PSMD11: variants seen among roughly 807,000 people sequenced by gnomAD.
PSMD11 encodes the protein 26S proteasome non-ATPase regulatory subunit 11.
Under a neutral mutation model 62.3 loss-of-function variants are expected in PSMD11, and 5 were observed. The ratio of observed to expected loss-of-function variants is 0.08; its 90% confidence interval spans 0.04 to 0.17. PSMD11 has a LOEUF of 0.17. PSMD11 is among the 10% of genes least tolerant of loss of function. The probability of loss-of-function intolerance (pLI) is 1.00; values close to 1 mark genes in which losing one functional copy is unlikely to be tolerated. For missense variants in PSMD11, 310 were observed against 512.9 expected, an observed-to-expected ratio of 0.60 and a Z score of 3.82; for synonymous variants, 191 against 191.8, an observed-to-expected ratio of 1.00 and a Z score of 0.03.
rs1251596211 is a variant in PSMD11, at chr17:32,444,558, C to T, written c.35C>T (p.Ala12Val). Residue 12 changes from alanine (A) to valine (V), a missense_variant, in exon 1 of 14, where the codon GCC becomes GTC. Coordinates refer to ENST00000261712, the MANE Select transcript of PSMD11 (RefSeq NM_002815.4). ...AAAAVVEFQRAQSLLSTDREA... is the reference protein window; with the variant it reads ...AAAAVVEFQRVQSLLSTDREA... ...GCGGCGGTGGTGGAGTTCCAGAGAG[C>T]CCAGTCTCTACTCAGCACCGACCGG... The T allele has an allele frequency of 3.1e-6, 5 of 1,611,222 alleles. No individual in the cohort carries two copies.
At chr17:32,449,469 G>C (rs1907427765) in intron 2 of PSMD11, among the ~76,000 whole-genome samples, 1 of 152,140 alleles carries the variant, frequency 6.6e-6, no homozygotes, top group Non-Finnish European at 1.5e-5. Flanking sequence ...CATGAATTAA[G>C]AACAGTGTGT....
intron 5 of PSMD11, among the ~76,000 whole-genome samples, chr17:32,465,507 A>G (rs1171716310): frequency 6.6e-6 from 1 of 152,180 alleles, no homozygotes; most frequent in African/African-American, 2.4e-5. Flanking sequence ...AGTTTCCAAT[A>G]TTCAATTTTT....
chr17:32,451,822 T>C (rs1907508825), intron 2 of PSMD11, among the ~76,000 whole-genome samples: 1 of 152,202 alleles, frequency 6.6e-6, no homozygotes, highest in Non-Finnish European at 1.5e-5. Flanking sequence ...CACTGCAGCC[T>C]CGACCTCCTG....
intron 2 of PSMD11, among the ~76,000 whole-genome samples, chr17:32,452,459 C>T (rs1290927009): frequency 6.6e-6 from 1 of 152,150 alleles, no homozygotes; most frequent in Non-Finnish European, 1.5e-5. Flanking sequence ...TTCTGGTCAG[C>T]ATCTGGAATC....
intron 1 of PSMD11, chr17:32,444,900 C>T (rs539512290): frequency 3.0e-5 from 15 of 504,054 alleles, no homozygotes; most frequent in African/African-American, 2.5e-4. Context: ...GGGGATCCCT[C>T]CCTAGCCATG....
chr17:32,444,925 C>T, intron 1 of PSMD11: 1 of 455,146 alleles, frequency 2.2e-6, no homozygotes. Flanking sequence ...CGGCTCTGGC[C>T]CGCACGAGCT....
chr17:32,458,511 C>G (rs1447877103), intron 3 of PSMD11, among the ~76,000 whole-genome samples: 1 of 152,230 alleles, frequency 6.6e-6, no homozygotes, highest in Non-Finnish European at 1.5e-5. Flanking sequence ...TTAACTCTTT[C>G]AGTGACTCAC....
At chr17:32,464,209 C>T in intron 4 of PSMD11, 89 bp downstream of exon 4, 2 of 1,239,810 alleles carry the variant, frequency 1.6e-6, no homozygotes, top group Non-Finnish European at 2.4e-6. Flanking sequence ...AAAGTATCTT[C>T]AGCAACTTTG....
At position 32,477,552 on chromosome 17, in the gene PSMD11, G is replaced by A. The variant is rs1335624885; in HGVS notation, c.881G>A (p.Ser294Asn). Reference protein sequence around the residue: ...TEALKCVAQASKNRSLADFEK... With the variant: ...TEALKCVAQANKNRSLADFEK... ...GCATTAAAATGCGTGGCTCAGGCTAGCAAGAACAGATCACTGGCAGATTTT... is the reference window on the plus strand; with the variant it reads ...GCATTAAAATGCGTGGCTCAGGCTAACAAGAACAGATCACTGGCAGATTTT... Residue 294 changes from serine (S) to asparagine (N), a missense_variant, in exon 9 of 14, where the codon AGC becomes AAC. Ser to Asn is a conservative substitution (Grantham distance 46, BLOSUM62 1). Transcript: ENST00000261712. 1.2e-6 allele frequency: 2 copies of A among 1,610,976 alleles called. No homozygotes were observed. Among genetic ancestry groups the A allele is most frequent in the Admixed American group, 1.7e-5 (1 of 59,266 alleles).
chr17:32,480,003 C>T (rs1908442325), intron 11 of PSMD11, 117 bp downstream of exon 11: 16 of 1,479,292 alleles, frequency 1.1e-5, no homozygotes, highest in Non-Finnish European at 1.5e-5. Context: ...GGGGAATGGG[C>T]AGTGTGGACT....
chr17:32,452,150 GTGACTGGC>G (rs1426847284), intron 2 of PSMD11, among the ~76,000 whole-genome samples: 8 of 152,192 alleles, frequency 5.3e-5, no homozygotes, highest in Non-Finnish European at 1.0e-4. Context: ...CACATTGTGT[GTGACTGGC>G]TGAGTTCAGG....
At chr17:32,452,391 A>G (rs954048875) in intron 2 of PSMD11, among the ~76,000 whole-genome samples, 1 of 152,196 alleles carries the variant, frequency 6.6e-6, no homozygotes, top group Non-Finnish European at 1.5e-5. Flanking sequence ...TAAATGGATC[A>G]TTTGTCAACC....
At chr17:32,476,476 A>G (rs557640618) in intron 8 of PSMD11, among the ~76,000 whole-genome samples, 2 of 152,278 alleles carry the variant, frequency 1.3e-5, no homozygotes, top group Admixed American at 6.5e-5. Flanking sequence ...AGACAAACAC[A>G]CTAATGATTA....
chr17:32,451,192 G>A (rs776957104), intron 2 of PSMD11, among the ~76,000 whole-genome samples: 69 of 152,024 alleles, frequency 4.5e-4, no homozygotes, highest in Non-Finnish European at 7.6e-4. Context: ...TTCTTTCGGC[G>A]TAAGAAGGAT....
At position 32,444,857 on chromosome 17, in the gene PSMD11, G is replaced by C. The variant is rs902124800; in HGVS notation, c.91+243G>C. ...GCTGCTGACTCACGGGGGGCTCAGC[G>C]TAGGGTGGGAGAGTGGGCCGAGCCG... is the stretch of plus-strand genomic sequence containing the variant. On this transcript the variant is annotated intron_variant, in intron 1 of 13. Transcript: ENST00000261712. 5.3e-6 allele frequency: 3 copies of C among 564,334 alleles called. No homozygotes were observed. In the African/African-American group the frequency reaches 6.0e-5, roughly 11 times the overall value. 35.0% of individuals were successfully genotyped at this position (564,334 alleles called of 1,614,324 possible). A position where few individuals can be genotyped will look rare whatever the true frequency, so the allele number is the denominator to read the frequency against.
intron 2 of PSMD11, among the ~76,000 whole-genome samples, chr17:32,451,234 G>A (rs1334881486): frequency 2.0e-5 from 3 of 152,154 alleles, no homozygotes; most frequent in Non-Finnish European, 4.4e-5. Context: ...ATATTGTAAG[G>A]CTAGCAGGTG....
rs374518954 is a variant in PSMD11, at chr17:32,474,731, G to A, written c.789-33G>A. ...ACCTTCCTTTAGAAGCATAACATCT[G>A]CAGCAATTGACCAAGTATGTCTTTT... On this transcript the variant is annotated intron_variant, in intron 7 of 13. Coordinates refer to ENST00000261712, the MANE Select transcript of PSMD11 (RefSeq NM_002815.4). The A allele has an allele frequency of 3.7e-6, 6 of 1,606,902 alleles. No homozygotes were observed. The African/African-American group carries it at 6.7e-5, about 18-fold the overall frequency.
intron 1 of PSMD11, 31 bp downstream of exon 1, chr17:32,444,645 C>T (rs774869982): frequency 2.1e-5 from 34 of 1,609,626 alleles, no homozygotes; most frequent in Non-Finnish European, 2.5e-5. Flanking sequence ...TCCCCGGCCC[C>T]GCCGGCCCAG....
chr17:32,450,422 ATTTTTTT>A (rs58292122), intron 2 of PSMD11, among the ~76,000 whole-genome samples: 1 of 129,538 alleles, frequency 7.7e-6, no homozygotes, highest in Non-Finnish European at 1.6e-5. Flanking sequence ...TGCTCGGCTA[ATTTTTTT>A]TTTTTTTTTT....
Sources: allele counts gnomAD v4.1 joint callset (sites outside exome capture counted in the v4.1 genomes callset), GRCh38; gene constraint gnomAD v4.1.1; transcripts MANE v1.5; gene names NCBI Gene and HGNC (gene_info 2026-07-23, HGNC 2026-07-21).